PRKCE: variants seen among roughly 807,000 people sequenced by gnomAD.
PRKCE encodes protein kinase C epsilon type.
Under a neutral mutation model 85.4 loss-of-function variants are expected in PRKCE, and 16 were observed. The ratio of observed to expected loss-of-function variants is 0.19; its 90% CI spans 0.13 to 0.28. The LOEUF (loss-of-function observed/expected upper bound fraction) is 0.28. Ranked by LOEUF, PRKCE falls within the 10% of genes least tolerant of loss-of-function variation. The pLI is 1.00. For synonymous variants in PRKCE, 388 were observed against 371.5 expected (o/e 1.04, Z -0.51); for missense variants, 573 against 975.2 (o/e 0.59, Z 5.49).
intron 14 of PRKCE, among the ~76,000 whole-genome samples, chr2:46,171,054 G>A (rs1678843252): frequency 6.6e-6 from 1 of 152,162 alleles, no homozygotes; most frequent in Non-Finnish European, 1.5e-5. Flanking sequence ...ATGAGTCCAA[G>A]TTGCCACCGT....
chr2:45,896,536 G>T (rs1192462244), intron 2 of PRKCE, among the ~76,000 whole-genome samples: 1 of 152,070 alleles, frequency 6.6e-6, no homozygotes, highest in Non-Finnish European at 1.5e-5. Flanking sequence ...TTATATACTA[G>T]GTTTACATAT....
At chr2:46,110,139 T>C (rs556416272) in intron 11 of PRKCE, among the ~76,000 whole-genome samples, 3 of 152,270 alleles carry the variant, frequency 2.0e-5, no homozygotes, top group Non-Finnish European at 2.9e-5. Flanking sequence ...GAGATATTGG[T>C]CAGTTGTTAT....
chr2:46,145,311 C>T lies in PRKCE; in HGVS notation c.1731+80C>T. The T allele has an allele frequency of 6.5e-7, 1 of 1,535,648 alleles. No individual in the cohort carries two copies. The highest frequency in any genetic ancestry group is 8.9e-7 in the Non-Finnish European group (1 of 1,128,270). ...GTCCAAACCCATGCACTGGGGTCAT[C>T]TAGTGGTGCTGGGGGAAGGCTCTGG... On this transcript the variant is annotated intron_variant, in intron 12 of 14. Transcript: ENST00000306156. This position sits in a 1 kb window ranked among gnomAD's most constrained non-coding sequence, Gnocchi z 4.6.
chr2:45,769,866 G>A (rs1413504592), intron 1 of PRKCE, among the ~76,000 whole-genome samples: 1 of 152,240 alleles, frequency 6.6e-6, no homozygotes, highest in African/African-American at 2.4e-5. Context: ...AGTAGGAGGT[G>A]TGAGGAGGAA....
At chr2:45,896,518 T>C (rs1420913357) in intron 2 of PRKCE, among the ~76,000 whole-genome samples, 1 of 152,238 alleles carries the variant, frequency 6.6e-6, no homozygotes, top group Non-Finnish European at 1.5e-5. Context: ...ACTTCTCTTT[T>C]CTGACTTTTA....
At chr2:45,859,597 C>G (rs1558761279) in intron 2 of PRKCE, among the ~76,000 whole-genome samples, 1 of 151,904 alleles carries the variant, frequency 6.6e-6, no homozygotes, top group Non-Finnish European at 1.5e-5. Flanking sequence ...TGTTTTTGAC[C>G]TTTCCTCAAA....
At chr2:46,058,411 A>G (rs1010657532) in intron 10 of PRKCE, among the ~76,000 whole-genome samples, 2 of 152,228 alleles carry the variant, frequency 1.3e-5, no homozygotes, top group Non-Finnish European at 2.9e-5. Context: ...GAACTGGCTC[A>G]TTGTTTAAAC....
intron 2 of PRKCE, among the ~76,000 whole-genome samples, chr2:45,864,576 C>G (rs1367083013): frequency 1.3e-5 from 2 of 152,128 alleles, no homozygotes; most frequent in Non-Finnish European, 2.9e-5. Flanking sequence ...ATGTCTTACA[C>G]ATTTTTATGA....
intron 6 of PRKCE, among the ~76,000 whole-genome samples, chr2:45,994,711 A>G (rs1168833195): frequency 1.3e-5 from 2 of 152,140 alleles, no homozygotes. Flanking sequence ...GCTTGCTTTC[A>G]AGTTTTGGCA....
Position 45,981,907 on chromosome 2 carries a change from C to T in PRKCE, c.693+1526C>T, listed in dbSNP as rs538679560. 5.3e-5 allele frequency among the ~76,000 whole-genome samples: 8 copies of T among 152,228 alleles called. No individual in the cohort carries two copies. The East Asian group carries it at 5.8e-4, about 11-fold the overall frequency. ...CTGCACTTTTTTGGAGGGAAAGGTCCGATAAGAGTCCATGCCATGCAGGTT... is the reference window on the plus strand; with the variant it reads ...CTGCACTTTTTTGGAGGGAAAGGTCTGATAAGAGTCCATGCCATGCAGGTT... On this transcript the variant is annotated intron_variant, in intron 5 of 14. Transcript: ENST00000306156.
chr2:46,022,113 C>T (rs1009915243), intron 10 of PRKCE, among the ~76,000 whole-genome samples: 1 of 152,172 alleles, frequency 6.6e-6, no homozygotes, highest in Non-Finnish European at 1.5e-5. Context: ...CACATATGCC[C>T]TGTTGACGTG....
In PRKCE at chr2:45,663,911, C is replaced by A. The variant is rs899561420; in HGVS notation, c.348+11463C>A. ...ATTGCCCGATTAAAAAAACAAAAACCAAAACAAACTATCCAAAGAACGGGA... is the reference window on the plus strand; with the variant it reads ...ATTGCCCGATTAAAAAAACAAAAACAAAAACAAACTATCCAAAGAACGGGA... On this transcript the variant is annotated intron_variant, in intron 1 of 14. Coordinates refer to ENST00000306156, the MANE Select transcript of PRKCE (RefSeq NM_005400.3). Among the ~76,000 whole-genome samples the A allele has an allele frequency of 5.3e-5, 8 of 152,094 alleles. No individual in the cohort carries two copies. The South Asian group carries it at 6.2e-4, about 12-fold the overall frequency.
chr2:45,681,898 CTTGGGTTATTAGTAACCT>C (rs1411152172), intron 1 of PRKCE, among the ~76,000 whole-genome samples: 1 of 152,174 alleles, frequency 6.6e-6, no homozygotes, highest in African/African-American at 2.4e-5. Context: ...TACATCCTGT[CTTGGGTTATTAGTAACCT>C]TTGCATGCAT....
At chr2:46,090,241 A>T (rs533173392) in intron 11 of PRKCE, among the ~76,000 whole-genome samples, 1 of 152,244 alleles carries the variant, frequency 6.6e-6, no homozygotes, top group African/African-American at 2.4e-5. Context: ...TTTGTATTTT[A>T]AAAAAAGTGT....
At chr2:46,011,780 A>G (rs1705700766) in intron 10 of PRKCE, among the ~76,000 whole-genome samples, 1 of 151,740 alleles carries the variant, frequency 6.6e-6, no homozygotes, top group African/African-American at 2.4e-5. Context: ...ACACACACAT[A>G]CACATGCACC....
intron 1 of PRKCE, among the ~76,000 whole-genome samples, chr2:45,686,910 G>C (rs1677341570): frequency 1.3e-5 from 2 of 152,158 alleles, no homozygotes; most frequent in South Asian, 4.2e-4. Context: ...CAACTGGGTG[G>C]CCTTCTGGAA....
In PRKCE at chr2:45,843,067, G is replaced by T; in HGVS notation, c.412+4G>T. ...CTCTCAGGGTCGTCGGGTGAAGGTAGGAGAGCGTGACTTCTCATCCCTGTT... is the reference window on the plus strand; with the variant it reads ...CTCTCAGGGTCGTCGGGTGAAGGTATGAGAGCGTGACTTCTCATCCCTGTT... On this transcript the variant is annotated splice_donor_region_variant and intron_variant, in intron 2 of 14. Coordinates refer to ENST00000306156, the MANE Select transcript of PRKCE (RefSeq NM_005400.3). 1 of 1,613,680 alleles carries T rather than the reference G, an allele frequency of 6.2e-7. No homozygotes were observed. The highest frequency in any genetic ancestry group is 1.7e-5 in the Admixed American group (1 of 60,028).
chr2:45,960,204 C>G (rs185143205), intron 2 of PRKCE, among the ~76,000 whole-genome samples: 1 of 152,142 alleles, frequency 6.6e-6, no homozygotes, highest in Non-Finnish European at 1.5e-5. Context: ...AACTTTGGAA[C>G]CGGTCTGGCC....
At chr2:45,919,606 AG>A (rs2103921291) in intron 2 of PRKCE, among the ~76,000 whole-genome samples, 1 of 152,188 alleles carries the variant, frequency 6.6e-6, no homozygotes, top group East Asian at 1.9e-4. Flanking sequence ...CAATAGGATC[AG>A]GGGCGGGGAA....
Sources: gnomAD v4.1 joint callset for allele counts (sites outside exome capture counted in the v4.1 genomes callset) on GRCh38, gnomAD v4.1.1 for gene constraint, Gnocchi (gnomAD v3.1) non-coding constraint, MANE v1.5 for transcripts, NCBI Gene and HGNC (gene_info 2026-07-23, HGNC 2026-07-21) for gene names.